Variants in ABHD3 observed in about 807,000 individuals in gnomAD.
The protein encoded by ABHD3 is abhydrolase domain containing 3, phospholipase.
In ABHD3, 46 loss-of-function variants were observed where a neutral mutation model predicts 48.8. That is an observed-to-expected ratio of 0.94 (90% CI 0.74 to 1.20). The LOEUF is 1.20. Among genes scored for constraint, ABHD3 ranks in the 50% most tolerant of loss-of-function variants. The pLI, the probability that ABHD3 is intolerant of heterozygous loss-of-function variation, is 0.00. For synonymous variants in ABHD3, 192 were observed against 183.7 expected, an observed-to-expected ratio of 1.04 and a Z score of -0.36; for missense variants, 490 against 497.8, an observed-to-expected ratio of 0.98 and a Z score of 0.15.
intron 4 of ABHD3, among the ~76,000 whole-genome samples, chr18:21,678,572 T>C (rs566093587): frequency 6.6e-6 from 1 of 152,244 alleles, no homozygotes; most frequent in South Asian, 2.1e-4. Flanking sequence ...CTTTTAGTTA[T>C]AGATCCTATA....
At chr18:21,656,193 GAGAC>G (rs972824064) in intron 8 of ABHD3, among the ~76,000 whole-genome samples, 5 of 151,948 alleles carry the variant, frequency 3.3e-5, no homozygotes, top group Non-Finnish European at 7.4e-5. Context: ...TTTTTTTTAA[GAGAC>G]AGGGTCTCAC....
At chr18:21,670,632 G>A (rs1186949228) in intron 4 of ABHD3, among the ~76,000 whole-genome samples, 1 of 152,120 alleles carries the variant, frequency 6.6e-6, no homozygotes, top group African/African-American at 2.4e-5. Flanking sequence ...TTGCCTGCTA[G>A]GCCCCTTAAT....
intron 3 of ABHD3, 130 bp downstream of exon 3, chr18:21,702,186 G>C (rs2040527562): frequency 8.6e-6 from 7 of 818,356 alleles, no homozygotes; most frequent in Non-Finnish European, 1.2e-5. Context: ...AGAATGCAGA[G>C]AAAAATAATA....
rs905636643 is a variant in ABHD3, at chr18:21,704,357, CCG to C, written c.162+145_162+146del. The stretch of plus-strand genomic sequence containing the variant: ...GAACGGGCGGGGCCTGTTGGCTTTC[CCG>C]CGCGCGCTGGGGGCTGCCGCTCGGG... On this transcript the variant is annotated intron_variant, in intron 1 of 8. Transcript: ENST00000289119. 1.6e-3 allele frequency: 1,446 copies of C among 894,744 alleles called. 3 individuals are homozygous for C. The highest frequency in any genetic ancestry group is 1.9e-3 in the Non-Finnish European group (1,285 of 686,024). 55.4% of individuals were successfully genotyped at this position (894,744 alleles called of 1,614,324 possible). A position where few individuals can be genotyped will look rare whatever the true frequency, so the allele number is the denominator to read the frequency against.
intron 3 of ABHD3, among the ~76,000 whole-genome samples, chr18:21,684,667 T>C (rs928675526): frequency 3.9e-5 from 6 of 152,128 alleles, no homozygotes; most frequent in Non-Finnish European, 7.4e-5. Flanking sequence ...CCTCTACCCA[T>C]TGCATTTGTA....
chr18:21,693,174 G>A (rs1289116486), intron 3 of ABHD3, among the ~76,000 whole-genome samples: 1 of 152,130 alleles, frequency 6.6e-6, no homozygotes, highest in Non-Finnish European at 1.5e-5. Context: ...TCTTTCCTAA[G>A]CCATACAATG....
intron 5 of ABHD3, chr18:21,663,912 C>T (rs183258442): frequency 2.1e-6 from 3 of 1,431,252 alleles, no homozygotes; most frequent in South Asian, 3.1e-5. Flanking sequence ...CACAGAGACC[C>T]GTAGTTAAGA....
At chr18:21,659,671 T>TTG (rs909024747) in intron 5 of ABHD3, among the ~76,000 whole-genome samples, 4 of 151,102 alleles carry the variant, frequency 2.6e-5, no homozygotes, top group East Asian at 1.9e-4. Context: ...TTTTTTTTTT[T>TTG]TGTGTGTGTG....
chr18:21,663,727 T>C, intron 5 of ABHD3: 5 of 1,535,550 alleles, frequency 3.3e-6, no homozygotes, highest in Non-Finnish European at 4.4e-6. Context: ...GAGCAATAAG[T>C]GATTATTTCT....
intron 3 of ABHD3, among the ~76,000 whole-genome samples, chr18:21,696,021 C>T (rs192286166): frequency 1.3e-5 from 2 of 152,060 alleles, no homozygotes; most frequent in Admixed American, 1.3e-4. Context: ...TAAATGAAGG[C>T]TCTCGGTTTT....
chr18:21,667,098 A>G (rs1282605749), intron 4 of ABHD3, among the ~76,000 whole-genome samples: 3 of 149,870 alleles, frequency 2.0e-5, no homozygotes, highest in African/African-American at 4.9e-5. Context: ...TTTTTGAGAC[A>G]AGTCTCGCTC....
intron 3 of ABHD3, 184 bp downstream of exon 3, chr18:21,702,132 A>T (rs2040526174): frequency 1.9e-6 from 1 of 528,962 alleles, no homozygotes; most frequent in Non-Finnish European, 3.2e-6. Context: ...ATTTCTTGTG[A>T]GATGATTCAG....
chr18:21,698,997 G>A (rs942473817), intron 3 of ABHD3, among the ~76,000 whole-genome samples: 2 of 150,964 alleles, frequency 1.3e-5, no homozygotes, highest in Admixed American at 6.6e-5. Flanking sequence ...GTAGTGGCAC[G>A]ATCTCAGCTC....
chr18:21,687,758 G>A (rs1468998515), intron 3 of ABHD3, among the ~76,000 whole-genome samples: 2 of 152,194 alleles, frequency 1.3e-5, no homozygotes, highest in Non-Finnish European at 2.9e-5. Context: ...ACAGGTGGGT[G>A]TCCTTTAATG....
In ABHD3 at chr18:21,704,629, G is replaced by C. The variant is rs983373212; in HGVS notation, c.37C>G (p.Arg13Gly). 6.5e-7 allele frequency: 1 copy of C among 1,547,748 alleles called. No individual in the cohort carries two copies. Among genetic ancestry groups the C allele is most frequent in the African/African-American group, 1.4e-5 (1 of 69,600 alleles). Reference protein sequence around the residue: ...RLAMDLRMLSRELSLYLEHQV... With the variant: ...RLAMDLRMLSGELSLYLEHQV... ...TGTTCCAGGTAGAGGGAGAGCTCCC[G>C]GGACAACATCCGCAGGTCCATGGCC... Residue 13 changes from arginine (R) to glycine (G), a missense_variant, in exon 1 of 9, where the codon CGG (arginine) becomes GGG (glycine). Coordinates refer to ENST00000289119, the MANE Select transcript of ABHD3 (RefSeq NM_138340.5).
chr18:21,703,724 A>G lies in ABHD3; in HGVS notation c.186T>C (p.Gly62=), dbSNP rs1229144292. The G allele has an allele frequency of 1.2e-6, 2 of 1,613,636 alleles. No individual in the cohort carries two copies. The highest frequency in any genetic ancestry group is 1.7e-5 in the Admixed American group (1 of 59,984). The change falls in exon 2 of 9, where the codon GGT becomes GGC. Residue 62 remains glycine (G), a synonymous_variant. Transcript: ENST00000289119. ...IAKKPQLVTG[G]ESFSRFLQDH... Reference sequence around the variant, plus strand: ...CTTGAAGGAAGCGGCTGAAACTCTCACCCCCGGTCACTAACTGGGGTTTCT... The same window carrying G: ...CTTGAAGGAAGCGGCTGAAACTCTCGCCCCCGGTCACTAACTGGGGTTTCT...
At chr18:21,652,572 C>T (rs1005873664) in intron 8 of ABHD3, among the ~76,000 whole-genome samples, 5 of 151,886 alleles carry the variant, frequency 3.3e-5, no homozygotes, top group East Asian at 1.9e-4. Context: ...GTCAAGAGAT[C>T]GAGACCATCC....
At chr18:21,669,157 G>C (rs965100158) in intron 4 of ABHD3, among the ~76,000 whole-genome samples, 59 of 152,174 alleles carry the variant, frequency 3.9e-4, no homozygotes, top group African/African-American at 1.4e-3. Flanking sequence ...GCAGTGAGCT[G>C]TGATCATGAC....
Position 21,704,557 on chromosome 18 carries a change from T to C in ABHD3, c.109A>G (p.Ile37Val). ...FFGSGVGLSL[I>V]LGFSVAYAFY... ...GCATAAGCGACGCTGAAGCCCAGGA[T>C]AAGGGATAAGCCCACCCCCGAGCCG... The change falls in exon 1 of 9, where the codon ATC (isoleucine) becomes GTC (valine). Residue 37 changes from isoleucine (I) to valine (V), a missense_variant. Physicochemically the swap from Ile to Val is conservative, Grantham distance 29. Transcript: ENST00000289119. The C allele has an allele frequency of 6.5e-7, 1 of 1,530,696 alleles. No homozygotes were observed. The highest frequency in any genetic ancestry group is 8.8e-7 in the Non-Finnish European group (1 of 1,140,572). 94.8% of individuals were successfully genotyped at this position (1,530,696 alleles called of 1,614,324 possible). A position where few individuals can be genotyped will look rare whatever the true frequency, so the allele number is the denominator to read the frequency against.
Sources: allele counts gnomAD v4.1 joint callset (sites outside exome capture counted in the v4.1 genomes callset), GRCh38; gene constraint gnomAD v4.1.1; transcripts MANE v1.5; gene names NCBI Gene and HGNC (gene_info 2026-07-23, HGNC 2026-07-21).